Variants in SLCO4C1 observed in about 807,000 individuals in gnomAD.
SLCO4C1 encodes solute carrier organic anion transporter family member 4C1.
A neutral mutation model predicts 72.1 loss-of-function variants in SLCO4C1; 58 were observed. The ratio of observed to expected loss-of-function variants is 0.80; its 90% CI spans 0.65 to 1.00. The LOEUF (loss-of-function observed/expected upper bound fraction) is 1.00. Ranked by LOEUF, SLCO4C1 falls within the 50% of genes least tolerant of loss-of-function variation. The probability of loss-of-function intolerance (pLI) is 0.00; values close to 1 mark genes in which losing one functional copy is unlikely to be tolerated. For synonymous variants in SLCO4C1, 297 were observed against 312.5 expected, an observed-to-expected ratio of 0.95 and a Z score of 0.52; for missense variants, 898 against 857.9, an observed-to-expected ratio of 1.05 and a Z score of -0.58.
At position 102,265,823 on chromosome 5, in the gene SLCO4C1, A is replaced by G. The variant is rs112425420; in HGVS notation, c.803-2043T>C. 7.4e-4 allele frequency among the ~76,000 whole-genome samples: 112 copies of G among 152,060 alleles called. 1 individual carries two copies. Among genetic ancestry groups the G allele is most frequent in the Non-Finnish European group, 1.0e-3 (68 of 67,952 alleles). ...TTTCTAGTTCCGTATGAATTTTAGGACTGTTTTTCCATGTCTGTGAAAAGT... is the reference window on the plus strand; with the variant it reads ...TTTCTAGTTCCGTATGAATTTTAGGGCTGTTTTTCCATGTCTGTGAAAAGT... On this transcript the variant is annotated intron_variant, in intron 3 of 12. Transcript: ENST00000310954.
At position 102,264,744 on chromosome 5, in the gene SLCO4C1, C is replaced by A. The variant is rs551588454; in HGVS notation, c.803-964G>T. ...ATTTATTTCTCCTAACTGTAGTTTTCTATCCATTAACAAATCTCTCCATAT... is the reference window on the plus strand; with the variant it reads ...ATTTATTTCTCCTAACTGTAGTTTTATATCCATTAACAAATCTCTCCATAT... On this transcript the variant is annotated intron_variant, in intron 3 of 12. Transcript: ENST00000310954. Among the ~76,000 whole-genome samples, 23 of 152,100 alleles carry A rather than the reference C, an allele frequency of 1.5e-4. 1 individual carries two copies. The East Asian group carries it at 4.1e-3, about 27-fold the overall frequency.
rs79183615 is a variant in SLCO4C1 at position 102,251,407 on chromosome 5, G to C, written c.1470-1619C>G. On this transcript the variant is annotated intron_variant, in intron 8 of 12. Coordinates refer to ENST00000310954, the MANE Select transcript of SLCO4C1 (RefSeq NM_180991.5). ...AGGAAGCAGATTAAAGAAAACTTTT[G>C]GATGTAGAATCAGTAAGATTTGGTG... is the stretch of plus-strand genomic sequence containing the variant. Among the ~76,000 whole-genome samples, 1,047 of 152,166 alleles carry C rather than the reference G, an allele frequency of 6.9e-3. 13 individuals are homozygous for C. The highest frequency in any genetic ancestry group is 0.024 in the African/African-American group (992 of 41,520).
At position 102,246,218 on chromosome 5, in the gene SLCO4C1, C is replaced by A. The variant is rs148072807; in HGVS notation, c.1811+1034G>T. ...TGAAACTGAAATGAAGAAAACAATA[C>A]CAATGATCAATGAAAAATTAAACAA... On this transcript the variant is annotated intron_variant, in intron 10 of 12. Transcript: ENST00000310954. Among the ~76,000 whole-genome samples the A allele has an allele frequency of 1.3e-5, 2 of 151,450 alleles. 1 individual carries two copies. Among genetic ancestry groups the A allele is most frequent in the South Asian group, 4.2e-4 (2 of 4,806 alleles).
At chr5:102,260,412 G>A in intron 5 of SLCO4C1, 93 bp from the exon 6 acceptor site, 1 of 248,216 alleles carries the variant, frequency 4.0e-6, no homozygotes, top group Non-Finnish European at 7.2e-6. Context: ...AAGTAAACGT[G>A]CTCTATCATT....
intron 3 of SLCO4C1, among the ~76,000 whole-genome samples, chr5:102,264,189 C>T (rs1418742511): frequency 6.6e-6 from 1 of 152,056 alleles, no homozygotes. Context: ...TTGTATTTTG[C>T]ACTACAGCAG....
chr5:102,242,795 C>T lies in SLCO4C1; in HGVS notation c.1812-2013G>A, dbSNP rs59794773. On this transcript the variant is annotated intron_variant, in intron 10 of 12. Coordinates refer to ENST00000310954, the MANE Select transcript of SLCO4C1 (RefSeq NM_180991.5). ...CATTACCAGCTTGGTGGCTACGGGG[C>T]AAAACTCGTTCTGCTTCAGAAAAGC... Among the ~76,000 whole-genome samples, 1,199 of 152,178 alleles carry T rather than the reference C, an allele frequency of 7.9e-3. 13 individuals carry two copies. Among genetic ancestry groups the T allele is most frequent in the African/African-American group, 0.028 (1,149 of 41,514 alleles).
intron 3 of SLCO4C1, among the ~76,000 whole-genome samples, chr5:102,265,915 T>C (rs1749028915): frequency 6.6e-6 from 1 of 152,104 alleles, no homozygotes; most frequent in South Asian, 2.1e-4. Flanking sequence ...AGACAGTCAT[T>C]TCAACAATAT....
chr5:102,275,584 A>C (rs1749233104), intron 2 of SLCO4C1, among the ~76,000 whole-genome samples: 1 of 152,304 alleles, frequency 6.6e-6, no homozygotes, highest in East Asian at 1.9e-4. Flanking sequence ...ACTCCAAGTC[A>C]CAAATACACT....
intron 1 of SLCO4C1, among the ~76,000 whole-genome samples, chr5:102,294,745 C>A (rs952401741): frequency 2.6e-5 from 4 of 152,132 alleles, no homozygotes; most frequent in African/African-American, 9.7e-5. Context: ...AGCGGACTTG[C>A]AATCAATAAA....
At chr5:102,260,748 T>C (rs1661591283) in intron 5 of SLCO4C1, among the ~76,000 whole-genome samples, 1 of 152,160 alleles carries the variant, frequency 6.6e-6, no homozygotes, top group Admixed American at 6.6e-5. Flanking sequence ...TTTTTTCCTC[T>C]GCTCTCTTAA....
At chr5:102,242,576 A>G (rs1255533943) in intron 10 of SLCO4C1, among the ~76,000 whole-genome samples, 1 of 152,122 alleles carries the variant, frequency 6.6e-6, no homozygotes, top group Non-Finnish European at 1.5e-5. Flanking sequence ...GTCCCAGAAA[A>G]TATTTCTAGA....
intron 8 of SLCO4C1, among the ~76,000 whole-genome samples, 176 bp from the exon 9 acceptor site, chr5:102,249,964 C>T (rs955628039): frequency 6.6e-6 from 1 of 152,024 alleles, no homozygotes; most frequent in Non-Finnish European, 1.5e-5. Flanking sequence ...CGGAGAGAGG[C>T]AATAAAAACA....
At chr5:102,288,529 A>G (rs1314941749) in intron 2 of SLCO4C1, among the ~76,000 whole-genome samples, 1 of 151,890 alleles carries the variant, frequency 6.6e-6, no homozygotes. Flanking sequence ...GCTCCCATTT[A>G]CTCTTGTCTC....
At chr5:102,255,840 A>G (rs926715786) in intron 8 of SLCO4C1, among the ~76,000 whole-genome samples, 11 of 152,012 alleles carry the variant, frequency 7.2e-5, no homozygotes, top group African/African-American at 2.7e-4. Flanking sequence ...TTCTTTTGCA[A>G]TCTCTCCTTT....
In SLCO4C1 at chr5:102,236,618, G is replaced by C; in HGVS notation, c.*240C>G. 1 of 405,106 alleles carries C rather than the reference G, an allele frequency of 2.5e-6. No homozygotes were observed. Among genetic ancestry groups the C allele is most frequent in the Non-Finnish European group, 4.4e-6 (1 of 224,726 alleles). 25.1% of individuals were successfully genotyped at this position (405,106 alleles called of 1,614,324 possible). On this transcript the variant is annotated 3_prime_UTR_variant, in exon 13 of 13. Transcript: ENST00000310954. ...TGTGTGTGTGTTCGTGTGTGTGTGT[G>C]TGTGTGTGCTCGTGTGTGTGTGTGC... is the stretch of plus-strand genomic sequence containing the variant.
At chr5:102,276,034 A>G (rs1182271596) in intron 2 of SLCO4C1, among the ~76,000 whole-genome samples, 1 of 152,188 alleles carries the variant, frequency 6.6e-6, no homozygotes, top group Non-Finnish European at 1.5e-5. Flanking sequence ...GGAGGACACC[A>G]GGAAAATGCA....
chr5:102,258,746 A>C (rs1385875757), intron 6 of SLCO4C1, among the ~76,000 whole-genome samples: 1 of 152,058 alleles, frequency 6.6e-6, no homozygotes, highest in East Asian at 1.9e-4. Flanking sequence ...ACCAAGCAAA[A>C]CACAAACACA....
intron 3 of SLCO4C1, among the ~76,000 whole-genome samples, chr5:102,264,474 C>CT (rs1426238316): frequency 4.6e-5 from 7 of 151,884 alleles, no homozygotes; most frequent in African/African-American, 1.7e-4. Context: ...TATAGTTTCA[C>CT]TTTTTTTCCC....
chr5:102,257,050 T>C, intron 8 of SLCO4C1, 65 bp downstream of exon 8: 2 of 1,251,298 alleles, frequency 1.6e-6, no homozygotes, highest in Non-Finnish European at 2.1e-6. Context: ...TAAGAAAACA[T>C]ATGCTTGGAA....
Sources: allele counts gnomAD v4.1 joint callset (sites outside exome capture counted in the v4.1 genomes callset), GRCh38; gene constraint gnomAD v4.1.1; transcripts MANE v1.5; gene names NCBI Gene and HGNC (gene_info 2026-07-23, HGNC 2026-07-21).